CFAP20DC: variants seen among roughly 807,000 people sequenced by gnomAD.
The protein encoded by CFAP20DC is CFAP20 domain containing.
In CFAP20DC, 84 loss-of-function variants were observed where a neutral mutation model predicts 101.7. The observed-to-expected ratio is 0.83, with a 90% confidence interval of 0.69 to 0.99. The LOEUF is 0.99. Among genes scored for constraint, CFAP20DC ranks in the 50% least tolerant of loss-of-function variants. CFAP20DC has a pLI of 0.00. For missense variants in CFAP20DC, 1,007 were observed against 970.3 expected, an observed-to-expected ratio of 1.04 and a Z score of -0.50; for synonymous variants, 359 against 351.2, an observed-to-expected ratio of 1.02 and a Z score of -0.25.
Position 58,728,455 on chromosome 3 carries a change from A to G in CFAP20DC, c.198-10827T>C, listed in dbSNP as rs1410903198. Among the ~76,000 whole-genome samples the G allele has an allele frequency of 1.3e-5, 2 of 152,240 alleles. No homozygotes were observed. Among genetic ancestry groups the G allele is most frequent in the African/African-American group, 4.8e-5 (2 of 41,472 alleles). Reference sequence around the variant, plus strand: ...TTATTCAGACCTTTACGTGATTTGTAAAAACTTCACATGGCTGCAAGAGAA... The same window carrying G: ...TTATTCAGACCTTTACGTGATTTGTGAAAACTTCACATGGCTGCAAGAGAA... On this transcript the variant is annotated intron_variant, in intron 3 of 3. Transcript: ENST00000486145. The surrounding 1 kb of genome is among the most constrained non-coding windows in gnomAD (Gnocchi z 4.7).
intron 15 of CFAP20DC, among the ~76,000 whole-genome samples, chr3:58,806,081 C>A (rs911207425): frequency 6.6e-6 from 1 of 152,128 alleles, no homozygotes; most frequent in Non-Finnish European, 1.5e-5. Context: ...TTGCCATGTG[C>A]CAAGAACTGT....
At chr3:59,041,084 T>C (rs1354035844) in intron 3 of CFAP20DC, among the ~76,000 whole-genome samples, 1 of 152,052 alleles carries the variant, frequency 6.6e-6, no homozygotes, top group African/African-American at 2.4e-5. Flanking sequence ...TCAATGAATC[T>C]CTCTTGCATC....
chr3:59,017,860 G>T (rs373985751), intron 4 of CFAP20DC: 1 of 152,074 alleles, frequency 6.6e-6, no homozygotes, highest in African/African-American at 2.4e-5. Flanking sequence ...CAATTTCTTT[G>T]TTTCTCCCTT....
intron 5 of CFAP20DC, among the ~76,000 whole-genome samples, chr3:58,920,093 T>G (rs1359390318): frequency 7.0e-6 from 1 of 142,870 alleles, no homozygotes; most frequent in African/African-American, 2.6e-5. Context: ...TTTTTTTTTT[T>G]TTTTTGAGAC....
At chr3:58,961,999 G>A (rs1030046787) in intron 4 of CFAP20DC, among the ~76,000 whole-genome samples, 2 of 151,956 alleles carry the variant, frequency 1.3e-5, no homozygotes, top group Non-Finnish European at 2.9e-5. Flanking sequence ...TTACTGTTCT[G>A]TTTTTACTCT....
intron 2 of CFAP20DC, 130 bp downstream of exon 2, chr3:59,047,035 A>C: frequency 1.6e-6 from 1 of 637,888 alleles, no homozygotes; most frequent in Non-Finnish European, 2.7e-6. Context: ...TGCAGCCAAC[A>C]ATGTCATGAA....
intron 4 of CFAP20DC, among the ~76,000 whole-genome samples, chr3:58,987,111 A>G (rs1366173611): frequency 1.3e-5 from 2 of 152,162 alleles, no homozygotes; most frequent in Non-Finnish European, 2.9e-5. Context: ...GATCTGAAAG[A>G]AATTACTCAG....
rs745319460 is a variant in CFAP20DC at position 59,047,117 on chromosome 3, C to T, written c.111+48G>A. ...CACGCCCTTTCTTCTATAAGCTTCA[C>T]TCACATTTCTTCCCCTGATTTATGT... On this transcript the variant is annotated intron_variant, in intron 2 of 16. Transcript: ENST00000482387. 3 of 1,223,222 alleles carry T rather than the reference C, an allele frequency of 2.5e-6. No homozygotes were observed. The South Asian group carries it at 4.0e-5, about 16-fold the overall frequency. 75.8% of individuals were successfully genotyped at this position (1,223,222 alleles called of 1,614,324 possible). A position where few individuals can be genotyped will look rare whatever the true frequency, so the allele number is the denominator to read the frequency against.
At chr3:58,837,735 A>T (rs1362291084) in intron 13 of CFAP20DC, among the ~76,000 whole-genome samples, 1 of 152,194 alleles carries the variant, frequency 6.6e-6, no homozygotes, top group Non-Finnish European at 1.5e-5. Flanking sequence ...TATATTTATT[A>T]AAAACTTTAT....
At chr3:58,816,708 G>A (rs928997063) in intron 14 of CFAP20DC, among the ~76,000 whole-genome samples, 12 of 152,206 alleles carry the variant, frequency 7.9e-5, no homozygotes, top group African/African-American at 2.2e-4. Flanking sequence ...AAGCGAGGCT[G>A]GGGGAGGGGC....
intron 4 of CFAP20DC, among the ~76,000 whole-genome samples, chr3:58,981,732 T>C (rs186310739): frequency 1.3e-4 from 20 of 152,292 alleles, no homozygotes; most frequent in African/African-American, 4.6e-4. Context: ...ACTTACATGT[T>C]AGACCTAAAA....
chr3:58,742,431 G>C lies in CFAP20DC; in HGVS notation c.*29C>G, dbSNP rs377253301. ...AACTGCTATTCTGCTCCAGCTGGGA[G>C]TGCCTGCTCTCTGCCCCGGAAGGAG... On this transcript the variant is annotated 3_prime_UTR_variant, in exon 17 of 17. Transcript: ENST00000482387. 1.3e-6 allele frequency: 2 copies of C among 1,571,888 alleles called. No individual in the cohort carries two copies.
chr3:58,987,648 C>T (rs1369122210), intron 4 of CFAP20DC, among the ~76,000 whole-genome samples: 1 of 151,742 alleles, frequency 6.6e-6, no homozygotes, highest in Non-Finnish European at 1.5e-5. Context: ...CAGCAGAGAA[C>T]AAAAAACTGT....
intron 4 of CFAP20DC, among the ~76,000 whole-genome samples, chr3:58,968,255 G>C (rs1274242582): frequency 6.6e-6 from 1 of 152,126 alleles, no homozygotes; most frequent in African/African-American, 2.4e-5. Flanking sequence ...TCAAATGGTA[G>C]TTCTGCTTTT....
At chr3:58,815,522 C>A (rs567125134) in intron 14 of CFAP20DC, among the ~76,000 whole-genome samples, 2,713 of 150,838 alleles carry the variant, frequency 0.018, 125 homozygotes, top group African/African-American at 0.062. Flanking sequence ...TCTAATTAAA[C>A]TAAAGACCTT....
intron 4 of CFAP20DC, among the ~76,000 whole-genome samples, chr3:58,938,744 C>A (rs2088076051): frequency 6.6e-6 from 1 of 152,002 alleles, no homozygotes; most frequent in African/African-American, 2.4e-5. Flanking sequence ...TATTGCTCCT[C>A]TCTAAACTAC....
At chr3:58,756,098 T>C (rs2068931812) in intron 15 of CFAP20DC, among the ~76,000 whole-genome samples, 1 of 152,200 alleles carries the variant, frequency 6.6e-6, no homozygotes, top group African/African-American at 2.4e-5. Context: ...ATTTATTATC[T>C]GCTCCTTTAC....
At position 58,864,027 on chromosome 3, in the gene CFAP20DC, G is replaced by T. The variant is rs144235333; in HGVS notation, c.1259-135C>A. The T allele has an allele frequency of 2.4e-6, 2 of 823,852 alleles. No individual in the cohort carries two copies. The highest frequency in any genetic ancestry group is 3.6e-6 in the Non-Finnish European group (2 of 550,560). 51.0% of individuals were successfully genotyped at this position (823,852 alleles called of 1,614,324 possible). A position where few individuals can be genotyped will look rare whatever the true frequency, so the allele number is the denominator to read the frequency against. ...GGCTGCAGTGCAGTCACGCGATCTC[G>T]GCTCACTGCAACCTCCGCCTCCCAA... On this transcript the variant is annotated intron_variant, in intron 11 of 16. Transcript: ENST00000482387. The surrounding 1 kb of genome is among the most constrained non-coding windows in gnomAD (Gnocchi z 4.7).
At chr3:58,925,681 T>C (rs576529913) in intron 5 of CFAP20DC, among the ~76,000 whole-genome samples, 20 of 152,372 alleles carry the variant, frequency 1.3e-4, no homozygotes, top group South Asian at 1.2e-3. Context: ...AGTCATAGGC[T>C]ACTCAATCCT....
Sources: gnomAD v4.1 joint callset for allele counts (sites outside exome capture counted in the v4.1 genomes callset) on GRCh38, gnomAD v4.1.1 for gene constraint, Gnocchi (gnomAD v3.1) non-coding constraint, MANE v1.5 for transcripts, NCBI Gene and HGNC (gene_info 2026-07-23, HGNC 2026-07-21) for gene names.